ENTHD1: variants seen among roughly 807,000 people sequenced by gnomAD.
ENTHD1 encodes the protein ENTH domain containing 1.
Under a neutral mutation model 39.1 loss-of-function variants are expected in ENTHD1, and 23 were observed. The observed-to-expected ratio is 0.59, with a 90% confidence interval of 0.42 to 0.83. The LOEUF is 0.83. Among genes scored for constraint, ENTHD1 ranks in the 40% least tolerant of loss-of-function variants. The probability of loss-of-function intolerance (pLI) is 0.00; values close to 1 mark genes in which losing one functional copy is unlikely to be tolerated. For synonymous variants in ENTHD1, 230 were observed against 258.2 expected (o/e 0.89, Z 1.05); for missense variants, 624 against 705.4 (o/e 0.88, Z 1.31).
chr22:39,838,700 TTGAC>T (rs563182537), intron 3 of ENTHD1, among the ~76,000 whole-genome samples: 155 of 152,266 alleles, frequency 1.0e-3, no homozygotes, highest in African/African-American at 3.7e-3. Context: ...GTGGTTTTGA[TTGAC>T]TGCATACTAA....
intron 2 of ENTHD1, among the ~76,000 whole-genome samples, chr22:39,872,012 T>C (rs567780381): frequency 5.9e-5 from 9 of 152,218 alleles, no homozygotes; most frequent in Non-Finnish European, 1.0e-4. Flanking sequence ...GCATTGAAAT[T>C]GCACTAATTT....
chr22:39,845,076 A>G (rs1391396097), intron 3 of ENTHD1, among the ~76,000 whole-genome samples: 4 of 145,940 alleles, frequency 2.7e-5, no homozygotes, highest in African/African-American at 1.0e-4. Context: ...AAATGGATTA[A>G]AAAAAAAAAA....
Position 39,846,668 on chromosome 22 carries a change from C to T in ENTHD1, c.593-10710G>A, listed in dbSNP as rs554049574. ...TCTGACAAAGGGCTAATATCCAGAA[C>T]CTACAATGAACTCAAACAAATTTAC... On this transcript the variant is annotated intron_variant, in intron 3 of 6. Coordinates refer to ENST00000325157, the MANE Select transcript of ENTHD1 (RefSeq NM_152512.4). Among the ~76,000 whole-genome samples the T allele has an allele frequency of 6.4e-4, 98 of 152,018 alleles. 2 individuals carry two copies. The highest frequency in any genetic ancestry group is 3.4e-3 in the Admixed American group (52 of 15,270).
chr22:39,887,881 T>A lies in ENTHD1; in HGVS notation c.-133A>T. 1 of 602,106 alleles carries A rather than the reference T, an allele frequency of 1.7e-6. No individual in the cohort carries two copies. The highest frequency in any genetic ancestry group is 2.7e-6 in the Non-Finnish European group (1 of 367,630). 37.3% of individuals were successfully genotyped at this position (602,106 alleles called of 1,614,324 possible). A position where few individuals can be genotyped will look rare whatever the true frequency, so the allele number is the denominator to read the frequency against. On this transcript the variant is annotated 5_prime_UTR_variant, in exon 2 of 7. Transcript: ENST00000325157. ...CTCCCAAATACAAATAATTAATCTC[T>A]ATGTTGATAAAGTATCAATTTCCTG... is the stretch of plus-strand genomic sequence containing the variant.
intron 2 of ENTHD1, among the ~76,000 whole-genome samples, 162 bp from the exon 3 acceptor site, chr22:39,862,169 A>G (rs2066147370): frequency 6.6e-6 from 1 of 152,186 alleles, no homozygotes; most frequent in Non-Finnish European, 1.5e-5. Flanking sequence ...TTATACTTTA[A>G]AAGGTAAATA....
intron 4 of ENTHD1, among the ~76,000 whole-genome samples, chr22:39,835,569 C>A (rs1455210013): frequency 6.6e-6 from 1 of 151,900 alleles, no homozygotes; most frequent in Non-Finnish European, 1.5e-5. Flanking sequence ...CCTTGAATAA[C>A]AAAAGACACC....
intron 5 of ENTHD1, among the ~76,000 whole-genome samples, chr22:39,783,729 G>A (rs1047304142): frequency 2.0e-5 from 3 of 152,016 alleles, no homozygotes; most frequent in African/African-American, 4.8e-5. Context: ...CCTATCTCTC[G>A]CTATACACAA....
intron 1 of ENTHD1, among the ~76,000 whole-genome samples, chr22:39,888,260 C>CTTTTTTTTTT (rs61092462): frequency 9.0e-6 from 1 of 110,650 alleles, no homozygotes; most frequent in Non-Finnish European, 1.7e-5. Flanking sequence ...TTCTTTCTTT[C>CTTTTTTTTTT]TTTTTTTTTT....
At position 39,842,010 on chromosome 22, in the gene ENTHD1, G is replaced by A. The variant is rs1194931556; in HGVS notation, c.593-6052C>T. On this transcript the variant is annotated intron_variant, in intron 3 of 6. Coordinates refer to ENST00000325157, the MANE Select transcript of ENTHD1 (RefSeq NM_152512.4). ...TTCACTTATGAAGCTTAGTTTGGCT[G>A]GATATGAATTTCTGGGTTGAAAATT... 2.0e-5 allele frequency among the ~76,000 whole-genome samples: 3 copies of A among 151,294 alleles called. No individual in the cohort carries two copies. In the East Asian group the frequency reaches 5.8e-4, roughly 29 times the overall value.
At position 39,748,386 on chromosome 22, in the gene ENTHD1, G is replaced by A. The variant is rs370671733; in HGVS notation, c.1220-4103C>T. ...AGAAACATTTTAAGTAGGCCAAGAC[G>A]GAAATAATATTTGAGTCAAATATTA... On this transcript the variant is annotated intron_variant, in intron 6 of 6. Coordinates refer to ENST00000325157, the MANE Select transcript of ENTHD1 (RefSeq NM_152512.4). 1.8e-3 allele frequency among the ~76,000 whole-genome samples: 271 copies of A among 152,094 alleles called. 1 individual carries two copies. The highest frequency in any genetic ancestry group is 6.1e-3 in the African/African-American group (253 of 41,502).
chr22:39,767,764 A>G (rs1452817194), intron 5 of ENTHD1, among the ~76,000 whole-genome samples: 1 of 152,220 alleles, frequency 6.6e-6, no homozygotes, highest in East Asian at 1.9e-4. Context: ...TACTTAATCT[A>G]AATCTCAAAA....
At chr22:39,765,116 A>G in intron 6 of ENTHD1, 107 bp downstream of exon 6, 1 of 1,427,850 alleles carries the variant, frequency 7.0e-7, no homozygotes, top group Non-Finnish European at 9.2e-7. Context: ...AAAGGAGGGA[A>G]CAAAAAAAGG....
chr22:39,827,173 G>A (rs2065833681), intron 4 of ENTHD1, among the ~76,000 whole-genome samples: 1 of 151,812 alleles, frequency 6.6e-6, no homozygotes, highest in East Asian at 1.9e-4. Flanking sequence ...CTGCCACCAC[G>A]CCTGGCTAAT....
chr22:39,834,076 G>C (rs2065890986), intron 4 of ENTHD1, among the ~76,000 whole-genome samples: 1 of 151,896 alleles, frequency 6.6e-6, no homozygotes, highest in African/African-American at 2.4e-5. Context: ...GTGTGACATT[G>C]TTTAGGCAAA....
intron 4 of ENTHD1, among the ~76,000 whole-genome samples, chr22:39,832,248 T>A (rs533500143): frequency 2.0e-5 from 3 of 152,212 alleles, no homozygotes; most frequent in African/African-American, 4.8e-5. Flanking sequence ...GAGTTTGAGG[T>A]TACAGTGAGC....
intron 3 of ENTHD1, among the ~76,000 whole-genome samples, chr22:39,846,452 T>C (rs1388123176): frequency 6.6e-6 from 1 of 152,218 alleles, no homozygotes; most frequent in African/African-American, 2.4e-5. Context: ...TTCACTCTGA[T>C]GGTAGTTTCT....
intron 5 of ENTHD1, among the ~76,000 whole-genome samples, chr22:39,820,332 T>A (rs1045322267): frequency 5.3e-5 from 8 of 152,102 alleles, no homozygotes; most frequent in African/African-American, 1.9e-4. Context: ...AAGCAAAGAT[T>A]TATAAGGTGA....
intron 5 of ENTHD1, among the ~76,000 whole-genome samples, chr22:39,775,130 T>TC (rs888547399): frequency 2.6e-5 from 4 of 152,240 alleles, no homozygotes; most frequent in Non-Finnish European, 5.9e-5. Context: ...TTTCAAATAT[T>TC]ATTCATTCAT....
In ENTHD1 at chr22:39,792,574, C is replaced by CA. The variant is rs200650090; in HGVS notation, c.833-26966dup. Among the ~76,000 whole-genome samples the CA allele has an allele frequency of 5.1e-4, 76 of 149,816 alleles. 2 individuals are homozygous for CA. Among genetic ancestry groups the CA allele is most frequent in the Non-Finnish European group, 3.0e-4 (20 of 67,348 alleles). On this transcript the variant is annotated intron_variant, in intron 5 of 6. Coordinates refer to ENST00000325157, the MANE Select transcript of ENTHD1 (RefSeq NM_152512.4). ...TCTCCTTTACCTGCTAATGAGTTGG[C>CA]AAAAAAAAAGCACCATTACCAGCTG... is the stretch of plus-strand genomic sequence containing the variant.
Sources: allele counts gnomAD v4.1 joint callset (sites outside exome capture counted in the v4.1 genomes callset), GRCh38; gene constraint gnomAD v4.1.1; transcripts MANE v1.5; gene names NCBI Gene and HGNC (gene_info 2026-07-23, HGNC 2026-07-21).